The following FBLN1 variants were observed in gnomAD, a reference collection of about 807,000 sequenced individuals.
FBLN1 encodes fibulin-1.
FBLN1 carries 34 observed loss-of-function variants against 89.7 expected under a neutral mutation model. The observed-to-expected ratio is 0.38, with a 90% CI of 0.29 to 0.50. The LOEUF is 0.50. Among genes scored for constraint, FBLN1 ranks in the 20% least tolerant of loss-of-function variants. FBLN1 has a pLI of 0.92. For missense variants in FBLN1, 777 were observed against 988.1 expected, an observed-to-expected ratio of 0.79 and a Z score of 2.86; for synonymous variants, 393 against 391.3, an observed-to-expected ratio of 1.00 and a Z score of -0.05.
rs191712464 is a variant in FBLN1 at position 45,536,902 on chromosome 22, C to T, written c.922+1565C>T. Among the ~76,000 whole-genome samples the T allele has an allele frequency of 5.3e-5, 8 of 152,308 alleles. No individual in the cohort carries two copies. The highest frequency in any genetic ancestry group is 1.2e-4 in the African/African-American group (5 of 41,564). ...CTAGAGGAGCTGTGTGGGGTGCGGC[C>T]GGGGAGCTGGCCGGCCTGGGTTACT... is the stretch of plus-strand genomic sequence containing the variant. On this transcript the variant is annotated intron_variant, in intron 8 of 16. Transcript: ENST00000327858. The surrounding 1 kb of genome is among the most constrained non-coding windows in gnomAD (Gnocchi z 5.1).
intron 1 of FBLN1, among the ~76,000 whole-genome samples, chr22:45,515,376 C>G (rs564759791): frequency 6.6e-6 from 1 of 152,332 alleles, no homozygotes; most frequent in Admixed American, 6.5e-5. Flanking sequence ...TTGCAGAGTT[C>G]AGCTCTGGGG....
At position 45,532,984 on chromosome 22, in the gene FBLN1, T is replaced by G. The variant is rs1293003140; in HGVS notation, c.545-79T>G. ...TCGTCTGCCCAGAGGGCGTTTTCTATGACCCAGCCTGAACGGAGCTAGAAA... is the reference window on the plus strand; with the variant it reads ...TCGTCTGCCCAGAGGGCGTTTTCTAGGACCCAGCCTGAACGGAGCTAGAAA... On this transcript the variant is annotated intron_variant, in intron 5 of 16. Transcript: ENST00000327858. This position sits in a 1 kb window ranked among gnomAD's most constrained non-coding sequence, Gnocchi z 4.2. 1 of 1,381,504 alleles carries G rather than the reference T, an allele frequency of 7.2e-7. No individual in the cohort carries two copies. The highest frequency in any genetic ancestry group is 1.0e-6 in the Non-Finnish European group (1 of 977,994). 85.6% of individuals were successfully genotyped at this position (1,381,504 alleles called of 1,614,324 possible).
intron 1 of FBLN1, chr22:45,517,375 C>A: frequency 2.0e-5 from 7 of 346,932 alleles, no homozygotes; most frequent in South Asian, 1.5e-4. Context: ...GGGCACCTGG[C>A]ACCCGGCCGC....
chr22:45,543,292 G>T (rs2088581777), intron 10 of FBLN1, 109 bp from the exon 11 acceptor site: 1 of 1,349,986 alleles, frequency 7.4e-7, no homozygotes, highest in Non-Finnish European at 1.0e-6. Flanking sequence ...AAAGAAATGA[G>T]GCTGGAGGAG....
intron 1 of FBLN1, among the ~76,000 whole-genome samples, chr22:45,508,632 T>A (rs2088057694): frequency 6.6e-6 from 1 of 151,810 alleles, no homozygotes; most frequent in African/African-American, 2.4e-5. Context: ...TCCTTTGGAG[T>A]GTGATGGTGG....
intron 11 of FBLN1, among the ~76,000 whole-genome samples, chr22:45,544,919 A>C (rs1169600994): frequency 6.6e-6 from 1 of 152,170 alleles, no homozygotes; most frequent in East Asian, 1.9e-4. Context: ...TTCTGAGCTG[A>C]GCAGACACTG....
chr22:45,521,314 T>C (rs146069539), intron 2 of FBLN1, among the ~76,000 whole-genome samples: 1 of 152,290 alleles, frequency 6.6e-6, no homozygotes, highest in East Asian at 1.9e-4. Context: ...ACAGTGTCCC[T>C]GAAACACGTG....
intron 14 of FBLN1, among the ~76,000 whole-genome samples, chr22:45,560,354 G>A (rs192749901): frequency 1.5e-4 from 23 of 152,274 alleles, no homozygotes; most frequent in African/African-American, 2.2e-4. Flanking sequence ...AATCTGTTTC[G>A]AAAGACATTG....
intron 9 of FBLN1, 98 bp from the exon 10 acceptor site, chr22:45,542,057 T>A: frequency 6.4e-7 from 1 of 1,564,976 alleles, no homozygotes; most frequent in Admixed American, 1.7e-5. Flanking sequence ...CCTGTTTCCA[T>A]GTCCATGTGT....
intron 14 of FBLN1, among the ~76,000 whole-genome samples, chr22:45,571,036 G>A (rs192934984): frequency 4.2e-5 from 6 of 141,362 alleles, no homozygotes; most frequent in African/African-American, 1.1e-4. Flanking sequence ...CAGGAGAATC[G>A]CTTAAACTTG....
rs2088472739 is a variant in FBLN1, at chr22:45,535,473, G to A, written c.922+136G>A. ...TGGCAAACTTTTTGTGTAAAGGGCT[G>A]GACAGCAAATAGAGCAAATACTTTA... On this transcript the variant is annotated intron_variant, in intron 8 of 16. Coordinates refer to ENST00000327858, the MANE Select transcript of FBLN1 (RefSeq NM_006486.3). 9 of 977,448 alleles carry A rather than the reference G, an allele frequency of 9.2e-6. No individual in the cohort carries two copies. The South Asian group carries it at 1.3e-4, about 14-fold the overall frequency. The allele number at this position is 977,448 out of a possible 1,614,324, so 60.5% of individuals were successfully genotyped here.
chr22:45,552,852 G>A (rs1180348308), intron 14 of FBLN1, among the ~76,000 whole-genome samples: 1 of 148,278 alleles, frequency 6.7e-6, no homozygotes, highest in African/African-American at 2.5e-5. Context: ...CCTTCTGCCC[G>A]CAGGAGGAAG....
At chr22:45,541,941 A>G (rs1276994217) in intron 9 of FBLN1, among the ~76,000 whole-genome samples, 1 of 152,130 alleles carries the variant, frequency 6.6e-6, no homozygotes, top group Admixed American at 6.5e-5. Context: ...AATGAGAGTC[A>G]TTGCTGGCCT....
intron 14 of FBLN1, among the ~76,000 whole-genome samples, chr22:45,568,124 G>A (rs1195096189): frequency 1.3e-5 from 2 of 152,220 alleles, no homozygotes; most frequent in African/African-American, 4.8e-5. Context: ...GGGTAAATGT[G>A]GAAGAATGTC....
intron 14 of FBLN1, among the ~76,000 whole-genome samples, chr22:45,564,588 G>A (rs1415906397): frequency 2.0e-5 from 3 of 152,208 alleles, no homozygotes; most frequent in African/African-American, 7.2e-5. Context: ...GCCACCCCTG[G>A]CTTCTGTTTT....
rs551176585 is a variant in FBLN1 at position 45,583,696 on chromosome 22, G to A, written c.1972+6588G>A. On this transcript the variant is annotated intron_variant, in intron 16 of 16. Coordinates refer to ENST00000327858, the MANE Select transcript of FBLN1 (RefSeq NM_006486.3). This position sits in a 1 kb window ranked among gnomAD's most constrained non-coding sequence, Gnocchi z 4.5. ...AGAGAAGACAGCACAATCAACACAG[G>A]AAGTAACAGAAGCAGCTAGTTACTC... Among the ~76,000 whole-genome samples the A allele has an allele frequency of 4.5e-4, 68 of 152,258 alleles. 1 individual carries two copies. Among genetic ancestry groups the A allele is most frequent in the East Asian group, 2.1e-3 (11 of 5,180 alleles).
intron 16 of FBLN1, among the ~76,000 whole-genome samples, chr22:45,595,157 T>TG (rs2089173735): frequency 6.6e-6 from 1 of 152,014 alleles, no homozygotes; most frequent in Non-Finnish European, 1.5e-5. Flanking sequence ...CAGGAAAATG[T>TG]GGCTAGGCTG....
chr22:45,515,928 A>T (rs932138335), intron 1 of FBLN1, among the ~76,000 whole-genome samples: 1 of 152,272 alleles, frequency 6.6e-6, no homozygotes, highest in East Asian at 1.9e-4. Flanking sequence ...GTTTCTACTC[A>T]ACTCTGTAGC....
chr22:45,516,456 T>G (rs1464343267), intron 1 of FBLN1, among the ~76,000 whole-genome samples: 1 of 152,236 alleles, frequency 6.6e-6, no homozygotes, highest in Non-Finnish European at 1.5e-5. Context: ...TTTGCTTTTC[T>G]TAATGAATTA....
Sources: allele counts gnomAD v4.1 joint callset (sites outside exome capture counted in the v4.1 genomes callset), GRCh38; gene constraint gnomAD v4.1.1; non-coding constraint Gnocchi (gnomAD v3.1); transcripts MANE v1.5; gene names NCBI Gene and HGNC (gene_info 2026-07-23, HGNC 2026-07-21).